FUT2: variants seen among roughly 807,000 people sequenced by gnomAD.
FUT2 encodes galactoside alpha-(1,2)-fucosyltransferase 2.
For synonymous variants in FUT2, 182 were observed against 193.1 expected, an observed-to-expected ratio of 0.94 and a Z score of 0.48; for missense variants, 419 against 465.8, an observed-to-expected ratio of 0.90 and a Z score of 0.93.
rs913020166 is a variant in FUT2, at chr19:48,705,801, G to A, written c.*1813G>A. The stretch of plus-strand genomic sequence containing the variant: ...CCAGCTACCAGGGAGGCTGAGGTGG[G>A]AGGATTGCTTGATGCCAGGAGTTAG... On this transcript the variant is annotated 3_prime_UTR_variant, in exon 2 of 2. Transcript: ENST00000425340. The A allele has an allele frequency of 6.0e-6, 1 of 165,820 alleles. No homozygotes were observed. The highest frequency in any genetic ancestry group is 1.5e-5 in the Non-Finnish European group (1 of 67,852). The allele number at this position is 165,820 out of a possible 1,614,324, so 10.3% of individuals were successfully genotyped here.
At chr19:48,697,712 G>T (rs2032440915) in intron 1 of FUT2, among the ~76,000 whole-genome samples, 1 of 151,930 alleles carries the variant, frequency 6.6e-6, no homozygotes, top group Non-Finnish European at 1.5e-5. Flanking sequence ...GTATCTTTTT[G>T]AGATGGATTT....
At chr19:48,699,044 C>G (rs2032465394) in intron 1 of FUT2, among the ~76,000 whole-genome samples, 1 of 134,974 alleles carries the variant, frequency 7.4e-6, no homozygotes, top group African/African-American at 2.7e-5. Flanking sequence ...AAAGTAGCAT[C>G]TTTTCCTCAC....
intron 1 of FUT2, among the ~76,000 whole-genome samples, chr19:48,700,375 G>C (rs1172816442): frequency 1.3e-5 from 2 of 150,440 alleles, no homozygotes; most frequent in African/African-American, 4.9e-5. Flanking sequence ...CTCCCAGGCT[G>C]GAGTGCAGTG....
At position 48,705,826 on chromosome 19, in the gene FUT2, G is replaced by C. The variant is rs1176830589; in HGVS notation, c.*1838G>C. The C allele has an allele frequency of 6.0e-6, 1 of 166,322 alleles. No individual in the cohort carries two copies. Among genetic ancestry groups the C allele is most frequent in the South Asian group, 2.1e-4 (1 of 4,656 alleles). The allele number at this position is 166,322 out of a possible 1,614,324, so 10.3% of individuals were successfully genotyped here. On this transcript the variant is annotated 3_prime_UTR_variant, in exon 2 of 2. Coordinates refer to ENST00000425340, the MANE Select transcript of FUT2 (RefSeq NM_000511.6). ...GAGGATTGCTTGATGCCAGGAGTTAGGGAATATAGTGCACCGTGATTGGAC... is the reference window on the plus strand; with the variant it reads ...GAGGATTGCTTGATGCCAGGAGTTACGGAATATAGTGCACCGTGATTGGAC...
In FUT2 at chr19:48,704,826, ATTAGT is replaced by A. The variant is rs1424780646; in HGVS notation, c.*843_*847del. 1 of 413,252 alleles carries A rather than the reference ATTAGT, an allele frequency of 2.4e-6. No homozygotes were observed. The highest frequency in any genetic ancestry group is 4.4e-6 in the Non-Finnish European group (1 of 226,128). The allele number at this position is 413,252 out of a possible 1,614,324, so 25.6% of individuals were successfully genotyped here. A position where few individuals can be genotyped will look rare whatever the true frequency, so the allele number is the denominator to read the frequency against. ...AGGCAAAAGAAATGAGACTTCTGGG[ATTAGT>A]TTAGCCTCAGATTCTGCAGCTGAGA... On this transcript the variant is annotated 3_prime_UTR_variant, in exon 2 of 2. Transcript: ENST00000425340.
intron 1 of FUT2, among the ~76,000 whole-genome samples, chr19:48,697,875 G>C (rs2032443543): frequency 6.6e-6 from 1 of 151,604 alleles, no homozygotes; most frequent in Admixed American, 6.6e-5. Flanking sequence ...TTTGTATTTA[G>C]TAGAAATGGG....
chr19:48,703,037 C>G lies in FUT2; in HGVS notation c.81C>G (p.His27Gln), dbSNP rs373987847. ...TCTTTACGGTTTCCACTATATTTCA[C>G]GTTCAGCAGCGGCTAGCGAAGATTC... is the stretch of plus-strand genomic sequence containing the variant. Reference protein sequence around the residue: ...LFVFTVSTIFHVQQRLAKIQA... With the variant: ...LFVFTVSTIFQVQQRLAKIQA... The change falls in exon 2 of 2, where the codon CAC becomes CAG. Residue 27 changes from histidine to glutamine, a missense_variant. Transcript: ENST00000425340. 2 of 1,613,056 alleles carry G rather than the reference C, an allele frequency of 1.2e-6. No individual in the cohort carries two copies. Among genetic ancestry groups the G allele is most frequent in the South Asian group, 1.1e-5 (1 of 90,650 alleles).
Position 48,701,722 on chromosome 19 carries a change from C to T in FUT2, c.-2-1233C>T, listed in dbSNP as rs758501898. On this transcript the variant is annotated intron_variant, in intron 1 of 1. Transcript: ENST00000425340. Reference sequence around the variant, plus strand: ...AAAGATGAACATCTTGGGCCGGGCGCGGTGGCTCACATCTGTAATCCCAGC... The same window carrying T: ...AAAGATGAACATCTTGGGCCGGGCGTGGTGGCTCACATCTGTAATCCCAGC... Among the ~76,000 whole-genome samples, 13 of 151,768 alleles carry T rather than the reference C, an allele frequency of 8.6e-5. No homozygotes were observed. In the South Asian group the frequency reaches 1.5e-3, roughly 17 times the overall value.
At chr19:48,697,172 C>A (rs1486711299) in intron 1 of FUT2, among the ~76,000 whole-genome samples, 1 of 151,178 alleles carries the variant, frequency 6.6e-6, no homozygotes, top group African/African-American at 2.4e-5. Flanking sequence ...ATGGAGAAAC[C>A]CCGTCTCTAC....
In FUT2 at chr19:48,703,014, T is replaced by A; in HGVS notation, c.58T>A (p.Phe20Ile). The change falls in exon 2 of 2, where the codon TTT becomes ATT. Residue 20 changes from phenylalanine (F) to isoleucine (I), a missense_variant. Physicochemically the swap from Phe to Ile is conservative, Grantham distance 21. Transcript: ENST00000425340. ...CATGGCCCACTTCATCCTCTTTGTC[T>A]TTACGGTTTCCACTATATTTCACGT... ...FPMAHFILFV[F>I]TVSTIFHVQQ... The A allele has an allele frequency of 1.2e-6, 2 of 1,613,140 alleles. No individual in the cohort carries two copies. Among genetic ancestry groups the A allele is most frequent in the East Asian group, 2.2e-5 (1 of 44,726 alleles).
In FUT2 at chr19:48,704,608, A is replaced by G. The variant is rs943330060; in HGVS notation, c.*620A>G. Reference sequence around the variant, plus strand: ...TGTGCTACCATTTCTTAGCTGTATCATCCCATGGTCCCAAAAGGGCTGCTA... The same window carrying G: ...TGTGCTACCATTTCTTAGCTGTATCGTCCCATGGTCCCAAAAGGGCTGCTA... On this transcript the variant is annotated 3_prime_UTR_variant, in exon 2 of 2. Coordinates refer to ENST00000425340, the MANE Select transcript of FUT2 (RefSeq NM_000511.6). The G allele has an allele frequency of 4.6e-5, 19 of 415,920 alleles. No individual in the cohort carries two copies. The highest frequency in any genetic ancestry group is 7.0e-5 in the Non-Finnish European group (16 of 228,402). 25.8% of individuals were successfully genotyped at this position (415,920 alleles called of 1,614,324 possible).
rs199554225 is a variant in FUT2, at chr19:48,702,972, A to G, written c.16A>G (p.Met6Val). MLVVQ[M>V]PFSFPMAHFI... ...CCTGACAGCCATGCTGGTCGTTCAGATGCCTTTCTCCTTTCCCATGGCCCA... is the reference window on the plus strand; with the variant it reads ...CCTGACAGCCATGCTGGTCGTTCAGGTGCCTTTCTCCTTTCCCATGGCCCA... The change falls in exon 2 of 2, where the codon ATG becomes GTG. Residue 6 changes from methionine to valine, a missense_variant. Met to Val is a conservative substitution (Grantham distance 21). Coordinates refer to ENST00000425340, the MANE Select transcript of FUT2 (RefSeq NM_000511.6). The G allele has an allele frequency of 2.4e-5, 39 of 1,613,202 alleles. 1 individual carries two copies. In the South Asian group the frequency reaches 4.2e-4, roughly 17 times the overall value.
At position 48,703,660 on chromosome 19, in the gene FUT2, G is replaced by T; in HGVS notation, c.704G>T (p.Ser235Ile). 6.2e-7 allele frequency: 1 copy of T among 1,613,662 alleles called. No individual in the cohort carries two copies. The highest frequency in any genetic ancestry group is 8.5e-7 in the Non-Finnish European group (1 of 1,180,024). The part of the protein sequence containing the change: ...QALDWFRARY[S>I]SLIFVVTSNG... ...CTGGACTGGTTCCGAGCTCGCTACA[G>T]CTCCCTCATCTTCGTGGTCACCAGT... The change falls in exon 2 of 2, where the codon AGC (serine) becomes ATC (isoleucine). Residue 235 changes from serine (S) to isoleucine (I), a missense_variant. Transcript: ENST00000425340.
rs1568462531 is a variant in FUT2, at chr19:48,703,870, A to G, written c.914A>G (p.Tyr305Cys). 2.5e-6 allele frequency: 4 copies of G among 1,613,554 alleles called. No homozygotes were observed. The Admixed American group carries it at 6.7e-5, about 27-fold the overall frequency. Residue 305 changes from tyrosine (Y) to cysteine (C), a missense_variant, in exon 2 of 2, where the codon TAC (tyrosine) becomes TGC (cysteine). Tyr to Cys is a radical substitution (Grantham distance 194, BLOSUM62 -2). Coordinates refer to ENST00000425340, the MANE Select transcript of FUT2 (RefSeq NM_000511.6). ...AAYLTGGDTI[Y>C]LANYTLPDSP... The stretch of plus-strand genomic sequence containing the variant: ...TACCTCACGGGCGGAGACACCATCT[A>G]CCTGGCCAATTACACCCTCCCCGAC...
intron 1 of FUT2, among the ~76,000 whole-genome samples, chr19:48,700,800 A>G (rs1052587433): frequency 1.0e-5 from 1 of 95,758 alleles, no homozygotes; most frequent in Non-Finnish European, 2.0e-5. Context: ...AACTCCCCCC[A>G]CAACTCCGAT....
rs762322228 is a variant in FUT2, at chr19:48,705,656, A to G, written c.*1668A>G. 7.2e-5 allele frequency: 12 copies of G among 167,118 alleles called. No individual in the cohort carries two copies. Among genetic ancestry groups the G allele is most frequent in the African/African-American group, 1.9e-4 (8 of 41,438 alleles). The allele number at this position is 167,118 out of a possible 1,614,324, so 10.4% of individuals were successfully genotyped here. A position where few individuals can be genotyped will look rare whatever the true frequency, so the allele number is the denominator to read the frequency against. The stretch of plus-strand genomic sequence containing the variant: ...GCAGCACATGTGTTACATGTCAGGC[A>G]GTGAAACCCCCCACAGCAGCCTTCC... On this transcript the variant is annotated 3_prime_UTR_variant, in exon 2 of 2. Coordinates refer to ENST00000425340, the MANE Select transcript of FUT2 (RefSeq NM_000511.6).
rs1568461875 is a variant in FUT2 at position 48,703,157 on chromosome 19, T to A, written c.201T>A (p.Asn67Lys). Residue 67 changes from asparagine to lysine, a missense_variant, in exon 2 of 2, where the codon AAT becomes AAA. Physicochemically the swap from Asn to Lys is moderately conservative, Grantham distance 94. Coordinates refer to ENST00000425340, the MANE Select transcript of FUT2 (RefSeq NM_000511.6). ...AGCTCAGGGGGATGTGGACGATCAATGCAATAGGCCGCCTGGGGAACCAGA... is the reference window on the plus strand; with the variant it reads ...AGCTCAGGGGGATGTGGACGATCAAAGCAATAGGCCGCCTGGGGAACCAGA... ...PSQLRGMWTINAIGRLGNQMG... is the reference protein window; with the variant it reads ...PSQLRGMWTIKAIGRLGNQMG... 1 of 1,613,454 alleles carries A rather than the reference T, an allele frequency of 6.2e-7. No individual in the cohort carries two copies. The highest frequency in any genetic ancestry group is 1.7e-5 in the Admixed American group (1 of 59,994).
Position 48,703,382 on chromosome 19 carries a change from G to A in FUT2, c.426G>A (p.Gly142=). Residue 142 remains glycine, a synonymous_variant, in exon 2 of 2, where the codon GGG becomes GGA. Coordinates refer to ENST00000425340, the MANE Select transcript of FUT2 (RefSeq NM_000511.6). ...WMEEEYRHIP[G]EYVRFTGYPC... ...AGGAGGAATACCGCCACATCCCGGG[G>A]GAGTACGTCCGCTTCACCGGCTACC... The A allele has an allele frequency of 1.2e-6, 2 of 1,613,098 alleles. No individual in the cohort carries two copies. The highest frequency in any genetic ancestry group is 1.7e-6 in the Non-Finnish European group (2 of 1,179,972).
rs754702347 is a variant in FUT2 at position 48,703,473 on chromosome 19, C to G, written c.517C>G (p.His173Asp). The change falls in exon 2 of 2, where the codon CAC becomes GAC. Residue 173 changes from histidine (H) to aspartate (D), a missense_variant. Coordinates refer to ENST00000425340, the MANE Select transcript of FUT2 (RefSeq NM_000511.6). ...CCTCCAGGAGTTCACCCTGCACGAC[C>G]ACGTGCGGGAGGAGGCCCAGAAGTT... Reference protein sequence around the residue: ...EILQEFTLHDHVREEAQKFLR... With the variant: ...EILQEFTLHDDVREEAQKFLR... 6.2e-7 allele frequency: 1 copy of G among 1,612,970 alleles called. No homozygotes were observed. The highest frequency in any genetic ancestry group is 8.5e-7 in the Non-Finnish European group (1 of 1,180,026).
Sources: gnomAD v4.1 joint callset for allele counts (sites outside exome capture counted in the v4.1 genomes callset) on GRCh38, gnomAD v4.1.1 for gene constraint, MANE v1.5 for transcripts, NCBI Gene and HGNC (gene_info 2026-07-23, HGNC 2026-07-21) for gene names.